DCAF6: variants seen among roughly 807,000 people sequenced by gnomAD.
DCAF6 encodes the protein DDB1- and CUL4-associated factor 6.
Under a neutral mutation model 125.1 loss-of-function variants are expected in DCAF6, and 54 were observed. That is an observed-to-expected ratio of 0.43 (90% CI 0.35 to 0.54). The LOEUF (loss-of-function observed/expected upper bound fraction) is 0.54. Among genes scored for constraint, DCAF6 ranks in the 20% least tolerant of loss-of-function variants. DCAF6 has a pLI of 0.01. For missense variants in DCAF6, 934 were observed against 1,161.7 expected, an observed-to-expected ratio of 0.80 and a Z score of 2.85; for synonymous variants, 371 against 390.4, an observed-to-expected ratio of 0.95 and a Z score of 0.58.
the DCAF6 span, among the ~76,000 whole-genome samples, chr1:167,914,740 A>T: frequency 2.7e-3 from 415 of 152,264 alleles, 3 homozygotes; most frequent in Non-Finnish European, 4.3e-3. Context: ...AAATGTTCTT[A>T]TGTATATCAT....
intron 3 of DCAF6, among the ~76,000 whole-genome samples, chr1:167,970,345 T>C (rs1048483039): frequency 3.2e-4 from 48 of 152,184 alleles, no homozygotes; most frequent in African/African-American, 1.2e-3. Context: ...TTAGTCAGAT[T>C]TTCTTTTTAA....
chr1:167,882,250 C>T, the DCAF6 span, among the ~76,000 whole-genome samples: 566 of 151,982 alleles, frequency 3.7e-3, 5 homozygotes, highest in African/African-American at 0.013. Flanking sequence ...TTTGGGAGGC[C>T]GAGGCAGGTG....
intron 5 of DCAF6, among the ~76,000 whole-genome samples, chr1:167,989,561 C>T (rs1680531114): frequency 1.3e-5 from 2 of 152,096 alleles, no homozygotes; most frequent in Non-Finnish European, 2.9e-5. Context: ...AGTAATTGAA[C>T]AAAGTATAAG....
chr1:167,956,274 A>G (rs898486037), intron 2 of DCAF6, among the ~76,000 whole-genome samples: 4 of 151,944 alleles, frequency 2.6e-5, no homozygotes, highest in Admixed American at 6.6e-5. Context: ...CAGGGTATCT[A>G]TGTCTTGAGT....
chr1:167,947,405 C>T (rs1673240641), intron 1 of DCAF6, among the ~76,000 whole-genome samples: 1 of 150,428 alleles, frequency 6.6e-6, no homozygotes, highest in African/African-American at 2.4e-5. Context: ...TTTTCTTCTG[C>T]TAGTTTTGGG....
chr1:168,033,044 T>G (rs1269039822), intron 12 of DCAF6, among the ~76,000 whole-genome samples: 1 of 152,192 alleles, frequency 6.6e-6, no homozygotes, highest in African/African-American at 2.4e-5. Context: ...ACATGTGTTT[T>G]TGTATGTCTT....
intron 10 of DCAF6, among the ~76,000 whole-genome samples, chr1:168,015,242 A>G (rs1289393475): frequency 6.6e-6 from 1 of 152,214 alleles, no homozygotes; most frequent in African/African-American, 2.4e-5. Flanking sequence ...AACTTAAAAA[A>G]TTTTTTAAAA....
the DCAF6 span, chr1:167,870,314 T>C: frequency 6.2e-6 from 10 of 1,614,002 alleles, no homozygotes; most frequent in Non-Finnish European, 8.5e-6. Context: ...GCTTTTTCCA[T>C]ATCCTGGTAA....
chr1:168,041,078 G>A (rs1688469323), intron 13 of DCAF6, among the ~76,000 whole-genome samples: 1 of 151,842 alleles, frequency 6.6e-6, no homozygotes, highest in African/African-American at 2.4e-5. Flanking sequence ...TTTCTCCCTT[G>A]AAAACGGGCA....
intron 13 of DCAF6, among the ~76,000 whole-genome samples, chr1:168,040,688 C>G (rs1188082708): frequency 1.3e-5 from 2 of 148,958 alleles, no homozygotes; most frequent in Admixed American, 6.7e-5. Flanking sequence ...GAGCTGGCAT[C>G]TTCTGAAGAA....
the DCAF6 span, chr1:167,901,534 G>T: frequency 1.0e-6 from 1 of 970,510 alleles, no homozygotes; most frequent in Non-Finnish European, 1.7e-6. Context: ...TTGTCCTGAT[G>T]CCAAAGTTCA....
chr1:168,043,447 C>T (rs1021085990), intron 14 of DCAF6, among the ~76,000 whole-genome samples: 6 of 151,938 alleles, frequency 3.9e-5, no homozygotes, highest in Non-Finnish European at 7.4e-5. Flanking sequence ...TTATACCTAG[C>T]AATGAAATCC....
Position 167,993,224 on chromosome 1 carries a change from A to G in DCAF6, c.689-2A>G, listed in dbSNP as rs769886782. 6.3e-7 allele frequency: 1 copy of G among 1,593,890 alleles called. No homozygotes were observed. The highest frequency in any genetic ancestry group is 2.2e-5 in the East Asian group (1 of 44,720). On this transcript the variant is annotated splice_acceptor_variant, in intron 6 of 21. Coordinates refer to ENST00000367840, the MANE Select transcript of DCAF6 (RefSeq NM_001198956.2). LOFTEE classifies it high-confidence loss of function. ...TTAAATAACTTCTTGTTTCTTTTTTAGGGAATTATGCAGGTCGAGGGACTA... is the reference window on the plus strand; with the variant it reads ...TTAAATAACTTCTTGTTTCTTTTTTGGGGAATTATGCAGGTCGAGGGACTA...
At chr1:168,030,303 A>G (rs1686905057) in intron 12 of DCAF6, among the ~76,000 whole-genome samples, 1 of 152,240 alleles carries the variant, frequency 6.6e-6, no homozygotes, top group East Asian at 1.9e-4. Context: ...GTGAAGGAGC[A>G]TGAGTAAAGG....
At chr1:167,937,992 A>G (rs1046247210) in intron 1 of DCAF6, among the ~76,000 whole-genome samples, 13 of 152,212 alleles carry the variant, frequency 8.5e-5, no homozygotes, top group African/African-American at 1.2e-4. Flanking sequence ...AAGAAAATGA[A>G]ATCTCATTAC....
the DCAF6 span, among the ~76,000 whole-genome samples, chr1:167,900,945 A>T: frequency 6.6e-6 from 1 of 152,210 alleles, no homozygotes; most frequent in Admixed American, 6.5e-5. Context: ...GAGAATTCTA[A>T]GTTTTGCAAA....
intron 1 of DCAF6, among the ~76,000 whole-genome samples, chr1:167,943,099 T>G (rs1672499389): frequency 6.6e-6 from 1 of 152,106 alleles, no homozygotes; most frequent in East Asian, 1.9e-4. Flanking sequence ...TTAGTAGAGA[T>G]GGGGTTTCAC....
At chr1:167,935,687 A>T (rs2102569744), upstream of DCAF6, 4 of 1,492,408 alleles carry the variant, frequency 2.7e-6, no homozygotes, top group East Asian at 9.9e-5. Context: ...ATTTTAGAGG[A>T]AGCGAGAAGG....
At chr1:167,999,754 T>A (rs1682316652) in intron 7 of DCAF6, among the ~76,000 whole-genome samples, 3 of 152,192 alleles carry the variant, frequency 2.0e-5, no homozygotes. Context: ...TGCTCTGGGT[T>A]AGGCTTTAGC....
Sources: allele counts gnomAD v4.1 joint callset (sites outside exome capture counted in the v4.1 genomes callset), GRCh38; gene constraint gnomAD v4.1.1; transcripts MANE v1.5; gene names NCBI Gene and HGNC (gene_info 2026-07-23, HGNC 2026-07-21).